Variants in RPAP3 observed in about 807,000 individuals in gnomAD.
RPAP3 encodes the protein RNA polymerase II-associated protein 3.
RPAP3 carries 58 observed loss-of-function variants against 88.8 expected under a neutral mutation model. The ratio of observed to expected loss-of-function variants is 0.65; its 90% CI spans 0.53 to 0.81. RPAP3 has a LOEUF of 0.81. Ranked by LOEUF, RPAP3 falls within the 40% of genes least tolerant of loss-of-function variation. RPAP3 has a pLI of 0.00. For synonymous variants in RPAP3, 255 were observed against 259.9 expected (o/e 0.98, Z 0.18); for missense variants, 751 against 764.3 (o/e 0.98, Z 0.20).
At chr12:47,703,263 T>C (rs1939693578) in intron 1 of RPAP3, among the ~76,000 whole-genome samples, 1 of 152,224 alleles carries the variant, frequency 6.6e-6, no homozygotes, top group East Asian at 1.9e-4. Flanking sequence ...AGGTCCCTTG[T>C]GCAGTGGAGA....
At chr12:47,704,514 G>A (rs1939734516) in intron 1 of RPAP3, among the ~76,000 whole-genome samples, 1 of 151,170 alleles carries the variant, frequency 6.6e-6, no homozygotes, top group African/African-American at 2.4e-5. Context: ...GATTACAGGT[G>A]CAGGCCACCA....
chr12:47,680,179 G>A (rs1170696894), intron 10 of RPAP3, among the ~76,000 whole-genome samples: 1 of 152,170 alleles, frequency 6.6e-6, no homozygotes, highest in Non-Finnish European at 1.5e-5. Flanking sequence ...TGGACATTAT[G>A]CTAAGTTAAA....
At chr12:47,697,858 A>T in intron 3 of RPAP3, 139 bp from the exon 4 acceptor site, 1 of 736,402 alleles carries the variant, frequency 1.4e-6, no homozygotes, top group Non-Finnish European at 2.1e-6. Flanking sequence ...AAGCAACCCA[A>T]ATCTCTCATT....
intron 12 of RPAP3, among the ~76,000 whole-genome samples, chr12:47,670,795 C>A (rs565805490): frequency 4.6e-5 from 7 of 152,102 alleles, no homozygotes; most frequent in South Asian, 4.1e-4. Flanking sequence ...TTGAAGACAG[C>A]TTATGAAGGG....
At chr12:47,685,696 A>G (rs1340274593) in intron 9 of RPAP3, among the ~76,000 whole-genome samples, 1 of 152,230 alleles carries the variant, frequency 6.6e-6, no homozygotes, top group Non-Finnish European at 1.5e-5. Context: ...AGATGTGTCG[A>G]GGATCATCCC....
rs1565724694 is a variant in RPAP3 at position 47,701,518 on chromosome 12, G to GC, written c.239_240insG (p.Asn80LysfsTer10). ...CATAAGATTTTATCCTGTTTTTTGT[G>GC]TTTTCCTCTCTGGTTTTTTTGGAAG... On this transcript the variant is annotated frameshift_variant, in exon 3 of 17. Transcript: ENST00000005386. LOFTEE classifies it high-confidence loss of function. The GC allele has an allele frequency of 6.3e-7, 1 of 1,593,618 alleles. No homozygotes were observed. The highest frequency in any genetic ancestry group is 8.5e-7 in the Non-Finnish European group (1 of 1,170,950).
chr12:47,693,147 C>T (rs1274518695), intron 5 of RPAP3, among the ~76,000 whole-genome samples: 1 of 152,162 alleles, frequency 6.6e-6, no homozygotes, highest in African/African-American at 2.4e-5. Flanking sequence ...TCCCAAATTG[C>T]TGGGATTACA....
chr12:47,662,452 T>C lies in RPAP3; in HGVS notation c.*1053A>G, dbSNP rs1404826553. On this transcript the variant is annotated 3_prime_UTR_variant, in exon 17 of 17. Transcript: ENST00000005386. The stretch of plus-strand genomic sequence containing the variant: ...CAATTCATAAGAATAGTAATATGTA[T>C]AATGGCAATAAAAATTAACCACAAT... 1 of 152,198 alleles carries C rather than the reference T, an allele frequency of 6.6e-6. No homozygotes were observed. The highest frequency in any genetic ancestry group is 1.5e-5 in the Non-Finnish European group (1 of 68,036). 9.4% of individuals were successfully genotyped at this position (152,198 alleles called of 1,614,324 possible).
chr12:47,677,550 G>T (rs1939141833), intron 12 of RPAP3, among the ~76,000 whole-genome samples: 3 of 152,030 alleles, frequency 2.0e-5, no homozygotes, highest in Non-Finnish European at 2.9e-5. Flanking sequence ...AAAGTCTCAG[G>T]ATACAAAATC....
chr12:47,675,217 C>T (rs916372646), intron 12 of RPAP3, among the ~76,000 whole-genome samples: 7 of 152,158 alleles, frequency 4.6e-5, no homozygotes, highest in Admixed American at 3.9e-4. Flanking sequence ...TGTCACCACC[C>T]GGCTTGCCTT....
rs1939333320 is a variant in RPAP3, at chr12:47,686,789, T to C, written c.983A>G (p.Lys328Arg). The change falls in exon 9 of 17, where the codon AAG (lysine) becomes AGG (arginine). Residue 328 changes from lysine (K) to arginine (R), a missense_variant. Transcript: ENST00000005386. ...TGTAACCAATACTTACTTCTGAATC[T>C]TCAGATAGGCCATAGCTCTGTTAGC... ...LPANRAMAYLKIQKYEEAEKD... is the reference protein window; with the variant it reads ...LPANRAMAYLRIQKYEEAEKD... 1 of 1,578,000 alleles carries C rather than the reference T, an allele frequency of 6.3e-7. No individual in the cohort carries two copies. The highest frequency in any genetic ancestry group is 8.6e-7 in the Non-Finnish European group (1 of 1,165,228).
At position 47,663,335 on chromosome 12, in the gene RPAP3, G is replaced by A; in HGVS notation, c.*170C>T. ...ATTTTCAGAAAAACAGAGTTCACTT[G>A]AATACAATTCTCACTAGTTAAATCA... On this transcript the variant is annotated 3_prime_UTR_variant, in exon 17 of 17. Coordinates refer to ENST00000005386, the MANE Select transcript of RPAP3 (RefSeq NM_024604.3). 1 of 489,722 alleles carries A rather than the reference G, an allele frequency of 2.0e-6. No individual in the cohort carries two copies. The allele number at this position is 489,722 out of a possible 1,614,324, so 30.3% of individuals were successfully genotyped here.
chr12:47,687,255 T>C (rs1939344320), intron 8 of RPAP3, among the ~76,000 whole-genome samples: 2 of 152,162 alleles, frequency 1.3e-5, no homozygotes. Context: ...TTAGAAGCTG[T>C]ACAAAAGGAC....
At chr12:47,665,591 C>G (rs969248422) in intron 16 of RPAP3, among the ~76,000 whole-genome samples, 1 of 150,120 alleles carries the variant, frequency 6.7e-6, no homozygotes, top group African/African-American at 2.4e-5. Flanking sequence ...GGTTTAAACC[C>G]TCGCTATTAA....
chr12:47,664,842 T>C (rs1938835387), intron 16 of RPAP3: 1 of 152,190 alleles, frequency 6.6e-6, no homozygotes, highest in African/African-American at 2.4e-5. Flanking sequence ...GGAGCTTTCA[T>C]TCTATTAGAG....
chr12:47,698,352 T>C (rs1033707606), intron 3 of RPAP3, among the ~76,000 whole-genome samples: 6 of 152,126 alleles, frequency 3.9e-5, no homozygotes, highest in African/African-American at 1.4e-4. Flanking sequence ...TTCCAACATA[T>C]AGCTGCCTCT....
chr12:47,669,496 A>G lies in RPAP3; in HGVS notation c.1527-394T>C, dbSNP rs145960043. On this transcript the variant is annotated intron_variant, in intron 13 of 16. Transcript: ENST00000005386. ...TTCCAAAAAAAACTGCCTATATAGT[A>G]TTGTCCCATGATCTATACTATCACT... Among the ~76,000 whole-genome samples, 746 of 152,300 alleles carry G rather than the reference A, an allele frequency of 4.9e-3. 8 individuals are homozygous for G. The highest frequency in any genetic ancestry group is 0.017 in the African/African-American group (707 of 41,576).
intron 9 of RPAP3, among the ~76,000 whole-genome samples, chr12:47,684,325 C>T (rs1053152146): frequency 5.9e-5 from 9 of 152,172 alleles, no homozygotes; most frequent in Admixed American, 1.3e-4. Flanking sequence ...TTCTTACTCC[C>T]TACTGCTACC....
chr12:47,679,418 T>C (rs948365798), intron 12 of RPAP3, 75 bp downstream of exon 12: 8 of 942,006 alleles, frequency 8.5e-6, no homozygotes, highest in Non-Finnish European at 1.1e-5. Context: ...AGTTTATTAA[T>C]ACAATAGTTG....
Sources: gnomAD v4.1 joint callset for allele counts (sites outside exome capture counted in the v4.1 genomes callset) on GRCh38, gnomAD v4.1.1 for gene constraint, MANE v1.5 for transcripts, NCBI Gene and HGNC (gene_info 2026-07-23, HGNC 2026-07-21) for gene names.